AP4E1: variants seen among roughly 807,000 people sequenced by gnomAD.
AP4E1 encodes the protein adaptor related protein complex 4 subunit epsilon 1.
Under a neutral mutation model 128.2 loss-of-function variants are expected in AP4E1, and 56 were observed. That is an observed-to-expected ratio of 0.44 (90% CI 0.35 to 0.55). AP4E1 has a LOEUF of 0.55. AP4E1 is among the 20% of genes least tolerant of loss of function. The pLI is 0.00. For synonymous variants in AP4E1, 484 were observed against 473.1 expected (o/e 1.02, Z -0.30); for missense variants, 1,324 against 1,307.7 (o/e 1.01, Z -0.19).
Position 51,002,606 on chromosome 15 carries a change from TCTA to T in AP4E1, c.3361_3363del (p.Thr1121del), listed in dbSNP as rs1160185572. ...AGCCCTGTGGTTCAGATCCTCCTGT[TCTA>T]CTCTTCCTGACTATTTACTGTATCA... is the stretch of plus-strand genomic sequence containing the variant. On this transcript the variant is annotated inframe_deletion, in exon 21 of 21. Coordinates refer to ENST00000261842, the MANE Select transcript of AP4E1 (RefSeq NM_007347.5). 6.2e-7 allele frequency: 1 copy of T among 1,614,206 alleles called. No individual in the cohort carries two copies. Among genetic ancestry groups the T allele is most frequent in the Non-Finnish European group, 8.5e-7 (1 of 1,180,016 alleles).
At chr15:50,933,071 T>C (rs1484225579) in intron 7 of AP4E1, among the ~76,000 whole-genome samples, 1 of 152,202 alleles carries the variant, frequency 6.6e-6, no homozygotes, top group Non-Finnish European at 1.5e-5. Flanking sequence ...TAACTCACTA[T>C]CTTCCTTTTT....
chr15:50,937,608 T>C (rs776718665), intron 8 of AP4E1, among the ~76,000 whole-genome samples: 2 of 152,174 alleles, frequency 1.3e-5, no homozygotes, highest in African/African-American at 2.4e-5. Context: ...ATAAGTATTG[T>C]AGGAGTTCCG....
intron 16 of AP4E1, among the ~76,000 whole-genome samples, chr15:50,987,075 G>A (rs959394799): frequency 6.6e-6 from 1 of 152,186 alleles, no homozygotes; most frequent in Non-Finnish European, 1.5e-5. Context: ...ATTTCTTCTA[G>A]ATTTTCTAGT....
At position 50,944,755 on chromosome 15, in the gene AP4E1, T is replaced by A. The variant is rs528777366; in HGVS notation, c.1176+2980T>A. The A allele has an allele frequency of 1.1e-4, 65 of 600,634 alleles. No individual in the cohort carries two copies. In the African/African-American group the frequency reaches 1.1e-3, roughly 10 times the overall value. 37.2% of individuals were successfully genotyped at this position (600,634 alleles called of 1,614,324 possible). ...GTTCCAAGAAACTATGATCCTACCT[T>A]ACATCCTTTTGAGGTCCCATGAGAA... is the stretch of plus-strand genomic sequence containing the variant. On this transcript the variant is annotated intron_variant, in intron 10 of 20. Transcript: ENST00000261842.
rs2063940937 is a variant in AP4E1 at position 50,938,603 on chromosome 15, G to A, written c.944-2839G>A. Among the ~76,000 whole-genome samples the A allele has an allele frequency of 2.6e-5, 4 of 152,218 alleles. No individual in the cohort carries two copies. In the South Asian group the frequency reaches 8.3e-4, roughly 32 times the overall value. ...CTGGATTTTTCCCATCTGGAAGTAGGGAGTAAAGAGGTAATTTTCCCCTCT... is the reference window on the plus strand; with the variant it reads ...CTGGATTTTTCCCATCTGGAAGTAGAGAGTAAAGAGGTAATTTTCCCCTCT... On this transcript the variant is annotated intron_variant, in intron 8 of 20. Transcript: ENST00000261842.
chr15:50,952,730 T>A (rs1275594277), intron 13 of AP4E1, among the ~76,000 whole-genome samples: 1 of 144,512 alleles, frequency 6.9e-6, no homozygotes, highest in Non-Finnish European at 1.5e-5. Flanking sequence ...TTTTTATGAC[T>A]GATTTTTTTG....
At chr15:50,969,888 T>C (rs892850577) in intron 15 of AP4E1, among the ~76,000 whole-genome samples, 4 of 152,134 alleles carry the variant, frequency 2.6e-5, no homozygotes, top group Non-Finnish European at 4.4e-5. Flanking sequence ...CTCGATCTCC[T>C]GACCTCGTGA....
chr15:50,920,075 TAAAA>T (rs759743982), intron 3 of AP4E1, among the ~76,000 whole-genome samples: 11 of 88,176 alleles, frequency 1.2e-4, no homozygotes, highest in Admixed American at 8.6e-4. Flanking sequence ...ATAATATGTC[TAAAA>T]AAAAAAAAAA....
intron 1 of AP4E1, among the ~76,000 whole-genome samples, chr15:50,910,285 C>T (rs964207233): frequency 5.3e-5 from 8 of 152,074 alleles, no homozygotes; most frequent in Non-Finnish European, 7.4e-5. Flanking sequence ...GCCGGGCCCC[C>T]ACAGGCGCTC....
At chr15:50,922,146 G>A (rs1290971660) in intron 3 of AP4E1, among the ~76,000 whole-genome samples, 1 of 137,156 alleles carries the variant, frequency 7.3e-6, no homozygotes, top group African/African-American at 2.7e-5. Flanking sequence ...GGGTAACATA[G>A]TGAGACCCTA....
chr15:50,931,044 G>A, intron 7 of AP4E1, 73 bp downstream of exon 7: 1 of 1,550,806 alleles, frequency 6.4e-7, no homozygotes, highest in East Asian at 2.2e-5. Flanking sequence ...GTAACCTAGA[G>A]GTTTAATGAT....
At position 50,972,086 on chromosome 15, in the gene AP4E1, T is replaced by G. The variant is rs573333760; in HGVS notation, c.1966+3709T>G. Among the ~76,000 whole-genome samples, 4 of 152,230 alleles carry G rather than the reference T, an allele frequency of 2.6e-5. No individual in the cohort carries two copies. The South Asian group carries it at 8.3e-4, about 32-fold the overall frequency. ...GGAAAAGTTGGCTCTTTCAATTTTA[T>G]GTAGTGCAGTTTAAAGGGAAAGACT... is the stretch of plus-strand genomic sequence containing the variant. On this transcript the variant is annotated intron_variant, in intron 15 of 20. Coordinates refer to ENST00000261842, the MANE Select transcript of AP4E1 (RefSeq NM_007347.5).
intron 1 of AP4E1, among the ~76,000 whole-genome samples, chr15:50,910,281 C>T (rs2063549105): frequency 6.6e-6 from 1 of 152,234 alleles, no homozygotes; most frequent in African/African-American, 2.4e-5. Context: ...CCGCGCCGGG[C>T]CCCCACAGGC....
At chr15:50,958,885 A>T (rs2064271224) in intron 14 of AP4E1, 91 bp downstream of exon 14, 1 of 1,363,324 alleles carries the variant, frequency 7.3e-7, no homozygotes, top group Admixed American at 1.7e-5. Context: ...ATATATCAAA[A>T]TGTGGTTTCT....
chr15:50,942,108 G>A (rs2063996552), intron 10 of AP4E1, among the ~76,000 whole-genome samples: 1 of 152,088 alleles, frequency 6.6e-6, no homozygotes, highest in Non-Finnish European at 1.5e-5. Flanking sequence ...GTAGAAACGG[G>A]GTTTCACCAT....
chr15:50,971,067 C>T (rs1039327898), intron 15 of AP4E1, among the ~76,000 whole-genome samples: 8 of 152,024 alleles, frequency 5.3e-5, no homozygotes, highest in Non-Finnish European at 1.0e-4. Flanking sequence ...TGAATGTTTT[C>T]ATAATGGTAG....
rs1309403959 is a variant in AP4E1, at chr15:50,968,339, C to A, written c.1928C>A (p.Pro643His). 1.9e-6 allele frequency: 3 copies of A among 1,613,290 alleles called. No homozygotes were observed. The highest frequency in any genetic ancestry group is 2.7e-5 in the African/African-American group (2 of 74,814). ...CAGGGTGCAGCGCCTTACAAACCTC[C>A]CCATCAACGCCAGGAGGAAAAGCTT... ...LSQGAAPYKP[P>H]HQRQEEKLSQ... The change falls in exon 15 of 21, where the codon CCC becomes CAC. Residue 643 changes from proline to histidine, a missense_variant. By Grantham distance (77) the Pro-to-His change is moderately conservative. Coordinates refer to ENST00000261842, the MANE Select transcript of AP4E1 (RefSeq NM_007347.5).
intron 8 of AP4E1, among the ~76,000 whole-genome samples, chr15:50,939,469 C>G (rs1351641213): frequency 6.6e-6 from 1 of 151,754 alleles, no homozygotes; most frequent in Non-Finnish European, 1.5e-5. Flanking sequence ...ACTTCACCAC[C>G]ACAGAGAGGA....
At chr15:50,977,766 G>C (rs1490695219) in intron 15 of AP4E1, among the ~76,000 whole-genome samples, 2 of 134,876 alleles carry the variant, frequency 1.5e-5, no homozygotes, top group African/African-American at 5.7e-5. Context: ...GGAGTGCAGT[G>C]TTGCAATCTT....
Sources: allele counts gnomAD v4.1 joint callset (sites outside exome capture counted in the v4.1 genomes callset), GRCh38; gene constraint gnomAD v4.1.1; transcripts MANE v1.5; gene names NCBI Gene and HGNC (gene_info 2026-07-23, HGNC 2026-07-21).